The following DERA variants were observed in gnomAD, a reference collection of about 807,000 sequenced individuals.
DERA encodes the protein 2-deoxy-D-ribose 5-phosphate aldolase.
DERA carries 15 observed loss-of-function variants against 41.1 expected under a neutral mutation model. That is an observed-to-expected ratio of 0.37 (90% CI 0.24 to 0.56). The LOEUF is 0.56. Among genes scored for constraint, DERA ranks in the 20% least tolerant of loss-of-function variants. The probability of loss-of-function intolerance (pLI) is 0.81; values close to 1 mark genes in which losing one functional copy is unlikely to be tolerated. For missense variants in DERA, 396 were observed against 403.4 expected, an observed-to-expected ratio of 0.98 and a Z score of 0.16; for synonymous variants, 139 against 137.4, an observed-to-expected ratio of 1.01 and a Z score of -0.08.
chr12:15,928,545 T>G lies in DERA; in HGVS notation c.31+17131T>G, dbSNP rs1948303958. Among the ~76,000 whole-genome samples the G allele has an allele frequency of 6.6e-6, 1 of 152,150 alleles. No homozygotes were observed. The highest frequency in any genetic ancestry group is 6.5e-5 in the Admixed American group (1 of 15,276). On this transcript the variant is annotated intron_variant, in intron 1 of 8. Coordinates refer to ENST00000428559, the MANE Select transcript of DERA (RefSeq NM_015954.4). This position sits in a 1 kb window ranked among gnomAD's most constrained non-coding sequence, Gnocchi z 4.6. Reference sequence around the variant, plus strand: ...CACCCTGTTTGGACTACTTAACCCTTGAGTCATTGAGCCAGCTGATGGCAA... The same window carrying G: ...CACCCTGTTTGGACTACTTAACCCTGGAGTCATTGAGCCAGCTGATGGCAA...
intron 1 of DERA, among the ~76,000 whole-genome samples, chr12:15,934,013 A>G (rs1264963533): frequency 6.6e-6 from 1 of 152,182 alleles, no homozygotes; most frequent in Non-Finnish European, 1.5e-5. Context: ...AAGGCCTCCA[A>G]CATCAAGTTG....
intron 6 of DERA, among the ~76,000 whole-genome samples, chr12:16,016,273 C>T (rs916408762): frequency 6.6e-6 from 1 of 152,134 alleles, no homozygotes; most frequent in Non-Finnish European, 1.5e-5. Context: ...GCTCCCTTCA[C>T]ATAACTCTCC....
rs1297302640 is a variant in DERA at position 15,911,736 on chromosome 12, C to T, written c.31+322C>T. 7 of 619,078 alleles carry T rather than the reference C, an allele frequency of 1.1e-5. No individual in the cohort carries two copies. Among genetic ancestry groups the T allele is most frequent in the Non-Finnish European group, 2.1e-5 (7 of 332,540 alleles). 38.3% of individuals were successfully genotyped at this position (619,078 alleles called of 1,614,324 possible). On this transcript the variant is annotated intron_variant, in intron 1 of 8. Transcript: ENST00000428559. This position sits in a 1 kb window ranked among gnomAD's most constrained non-coding sequence, Gnocchi z 4.5. ...ACAACCCAAAAAACAAAACCCAAAACAAACAACCCCCAAGCAGGTAAAAAC... is the reference window on the plus strand; with the variant it reads ...ACAACCCAAAAAACAAAACCCAAAATAAACAACCCCCAAGCAGGTAAAAAC...
rs1204469245 is a variant in DERA, at chr12:15,959,155, C to G, written c.278-674C>G. Reference sequence around the variant, plus strand: ...AGGTAACATACAAACCTAAACAACTCTACGGCTTTTGAAAAGTATTTATTA... The same window carrying G: ...AGGTAACATACAAACCTAAACAACTGTACGGCTTTTGAAAAGTATTTATTA... On this transcript the variant is annotated intron_variant, in intron 3 of 8. Transcript: ENST00000428559. This position sits in a 1 kb window ranked among gnomAD's most constrained non-coding sequence, Gnocchi z 4.5. Among the ~76,000 whole-genome samples, 2 of 152,106 alleles carry G rather than the reference C, an allele frequency of 1.3e-5. No homozygotes were observed. The highest frequency in any genetic ancestry group is 2.9e-5 in the Non-Finnish European group (2 of 68,020).
At chr12:16,031,858 G>T (rs1014279131) in intron 6 of DERA, among the ~76,000 whole-genome samples, 3 of 152,092 alleles carry the variant, frequency 2.0e-5, no homozygotes, top group Non-Finnish European at 4.4e-5. Context: ...TACTTGTAAA[G>T]CATCTAGATT....
In DERA at chr12:15,936,959, C is replaced by CCCGTCCCGT. The variant is rs1948372863; in HGVS notation, c.32-19975_32-19974insGTCCCGTCC. On this transcript the variant is annotated intron_variant, in intron 1 of 8. Transcript: ENST00000428559. This position sits in a 1 kb window ranked among gnomAD's most constrained non-coding sequence, Gnocchi z 4.6. ...TCTTGTCCTGTCCCGTCCTGTCCTG[C>CCCGTCCCGT]CCTGCCCTGCCCTGTCTTGTCTTTC... 2.9e-5 allele frequency among the ~76,000 whole-genome samples: 4 copies of CCCGTCCCGT among 139,766 alleles called. No individual in the cohort carries two copies. Among genetic ancestry groups the CCCGTCCCGT allele is most frequent in the African/African-American group, 1.2e-4 (4 of 33,450 alleles). The allele number at this position is 139,766 out of a possible 152,430, so 91.7% of individuals were successfully genotyped here.
At chr12:16,022,435 T>C (rs1949022725) in intron 6 of DERA, among the ~76,000 whole-genome samples, 1 of 152,180 alleles carries the variant, frequency 6.6e-6, no homozygotes, top group African/African-American at 2.4e-5. Context: ...TATTCCTTTA[T>C]AGCAATGCAA....
Position 16,003,577 on chromosome 12 carries a change from T to C in DERA, c.637+21141T>C, listed in dbSNP as rs922922967. Among the ~76,000 whole-genome samples the C allele has an allele frequency of 6.6e-6, 1 of 152,168 alleles. No individual in the cohort carries two copies. Among genetic ancestry groups the C allele is most frequent in the African/African-American group, 2.4e-5 (1 of 41,430 alleles). On this transcript the variant is annotated intron_variant, in intron 6 of 8. Coordinates refer to ENST00000428559, the MANE Select transcript of DERA (RefSeq NM_015954.4). This position sits in a 1 kb window ranked among gnomAD's most constrained non-coding sequence, Gnocchi z 4.8. ...GGTTTGGGTTAGAGAAGCCTACTAC[T>C]GTAGGCTAGATGCCAACTAAAAACA...
At position 15,998,958 on chromosome 12, in the gene DERA, C is replaced by T. The variant is rs1239637052; in HGVS notation, c.637+16522C>T. On this transcript the variant is annotated intron_variant, in intron 6 of 8. Transcript: ENST00000428559. This position sits in a 1 kb window ranked among gnomAD's most constrained non-coding sequence, Gnocchi z 4.8. ...TATTTTAAATTTAGGTCTCTCAGGA[C>T]ATTTGTAATTCTTCTACTGTTCTGA... 1.3e-5 allele frequency among the ~76,000 whole-genome samples: 2 copies of T among 152,168 alleles called. No individual in the cohort carries two copies. The highest frequency in any genetic ancestry group is 3.8e-4 in the East Asian group (2 of 5,196).
At position 16,021,621 on chromosome 12, in the gene DERA, T is replaced by C. The variant is rs1285687354; in HGVS notation, c.638-10921T>C. Reference sequence around the variant, plus strand: ...CCACCAGCAGTTTGCAACTACCACATGGAAAAGCCACAGGGCAGAGCTTTC... The same window carrying C: ...CCACCAGCAGTTTGCAACTACCACACGGAAAAGCCACAGGGCAGAGCTTTC... On this transcript the variant is annotated intron_variant, in intron 6 of 8. Transcript: ENST00000428559. The surrounding 1 kb of genome is among the most constrained non-coding windows in gnomAD (Gnocchi z 5.3). Among the ~76,000 whole-genome samples the C allele has an allele frequency of 6.6e-6, 1 of 152,218 alleles. No individual in the cohort carries two copies. Among genetic ancestry groups the C allele is most frequent in the African/African-American group, 2.4e-5 (1 of 41,470 alleles).
Position 16,015,132 on chromosome 12 carries a change from C to G in DERA, c.638-17410C>G, listed in dbSNP as rs1473298227. Among the ~76,000 whole-genome samples the G allele has an allele frequency of 2.0e-5, 3 of 152,242 alleles. No homozygotes were observed. The East Asian group carries it at 5.8e-4, about 29-fold the overall frequency. ...TCTCAGATGAGACTTTGGACTTGGA[C>G]TTTTGGGTTAAAACTGGAATGAATT... On this transcript the variant is annotated intron_variant, in intron 6 of 8. Transcript: ENST00000428559.
chr12:15,997,624 G>C (rs555226549), intron 6 of DERA, among the ~76,000 whole-genome samples: 16 of 152,186 alleles, frequency 1.1e-4, no homozygotes, highest in Admixed American at 1.0e-3. Flanking sequence ...CATATCTAAA[G>C]ACAGGGAAAT....
At chr12:15,932,640 TAA>T (rs1031142921) in intron 1 of DERA, among the ~76,000 whole-genome samples, 1 of 144,970 alleles carries the variant, frequency 6.9e-6, no homozygotes, top group Admixed American at 6.9e-5. Flanking sequence ...AGAACCTGTT[TAA>T]AAAAAAAAAA....
chr12:16,015,470 C>T (rs1948974972), intron 6 of DERA, among the ~76,000 whole-genome samples: 1 of 152,168 alleles, frequency 6.6e-6, no homozygotes, highest in South Asian at 2.1e-4. Context: ...AAGAAGGTGC[C>T]TAGCTTCCTT....
intron 4 of DERA, among the ~76,000 whole-genome samples, chr12:15,961,578 A>G (rs1302994155): frequency 6.6e-6 from 1 of 152,178 alleles, no homozygotes; most frequent in African/African-American, 2.4e-5. Flanking sequence ...ATTAAAAGAA[A>G]CATGGTGCAC....
intron 6 of DERA, among the ~76,000 whole-genome samples, chr12:16,029,833 TG>T (rs1436009560): frequency 6.6e-6 from 1 of 152,000 alleles, no homozygotes; most frequent in African/African-American, 2.4e-5. Flanking sequence ...TGAAGGAGTT[TG>T]GTTCTTTTGA....
chr12:15,980,889 C>G (rs1186059996), intron 5 of DERA, among the ~76,000 whole-genome samples: 1 of 152,156 alleles, frequency 6.6e-6, no homozygotes, highest in Admixed American at 6.6e-5. Flanking sequence ...CTTTATTTGG[C>G]TGTTATAACT....
In DERA at chr12:15,954,888, A is replaced by G. The variant is rs139905504; in HGVS notation, c.32-2048A>G. 1.0e-3 allele frequency among the ~76,000 whole-genome samples: 157 copies of G among 152,192 alleles called. No individual in the cohort carries two copies. Among genetic ancestry groups the G allele is most frequent in the Middle Eastern group, 3.4e-3 (1 of 294 alleles). ...TACCTCTTTTTGATCACGGTCAACA[A>G]TTAGTTGGCAGTGAGTCTTGGAGTT... On this transcript the variant is annotated intron_variant, in intron 1 of 8. Transcript: ENST00000428559. The surrounding 1 kb of genome is among the most constrained non-coding windows in gnomAD (Gnocchi z 4.0).
In DERA at chr12:16,036,624, T is replaced by C; in HGVS notation, c.901-66T>C. 8.4e-7 allele frequency: 1 copy of C among 1,184,466 alleles called. No individual in the cohort carries two copies. The highest frequency in any genetic ancestry group is 1.2e-6 in the Non-Finnish European group (1 of 815,978). The allele number at this position is 1,184,466 out of a possible 1,614,324, so 73.4% of individuals were successfully genotyped here. On this transcript the variant is annotated intron_variant, in intron 8 of 8. Transcript: ENST00000428559. The surrounding 1 kb of genome is among the most constrained non-coding windows in gnomAD (Gnocchi z 4.9). Reference sequence around the variant, plus strand: ...AAAACTATTTATTATTATTTGATAGTATAATTATTAACTGATGTGTATAAT... The same window carrying C: ...AAAACTATTTATTATTATTTGATAGCATAATTATTAACTGATGTGTATAAT...
Sources: gnomAD v4.1 joint callset for allele counts (sites outside exome capture counted in the v4.1 genomes callset) on GRCh38, gnomAD v4.1.1 for gene constraint, Gnocchi (gnomAD v3.1) non-coding constraint, MANE v1.5 for transcripts, NCBI Gene and HGNC (gene_info 2026-07-23, HGNC 2026-07-21) for gene names.